The following AXIN1 variants were observed in gnomAD, a reference collection of about 807,000 sequenced individuals.
AXIN1 encodes axin 1, also known as axin-1.
In AXIN1, 30 loss-of-function variants were observed where a neutral mutation model predicts 76.4. That is an observed-to-expected ratio of 0.39 (90% CI 0.29 to 0.53). The LOEUF is 0.53. AXIN1 is among the 20% of genes least tolerant of loss of function. AXIN1 has a pLI of 0.66. For synonymous variants in AXIN1, 545 were observed against 501.4 expected (o/e 1.09, Z -1.16); for missense variants, 1,140 against 1,198.8 (o/e 0.95, Z 0.72).
intron 7 of AXIN1, among the ~76,000 whole-genome samples, chr16:294,921 G>A (rs997989443): frequency 1.4e-4 from 21 of 151,116 alleles, no homozygotes; most frequent in South Asian, 2.1e-4. Context: ...AAAATTAGCC[G>A]GGCGTGGTGG....
intron 5 of AXIN1, 143 bp from the exon 6 acceptor site, chr16:298,394 T>C (rs903575055): frequency 2.0e-6 from 2 of 1,008,340 alleles, no homozygotes; most frequent in African/African-American, 3.2e-5. Flanking sequence ...ACCGGTCCTG[T>C]CCCTGAGGAT....
chr16:346,307 G>T lies in AXIN1; in HGVS notation c.719C>A (p.Thr240Asn), dbSNP rs1476669768. The T allele has an allele frequency of 3.1e-6, 5 of 1,614,176 alleles. No homozygotes were observed. The highest frequency in any genetic ancestry group is 4.2e-6 in the Non-Finnish European group (5 of 1,180,046). The change falls in exon 2 of 11, where the codon ACC becomes AAC. Residue 240 changes from threonine (T) to asparagine (N), a missense_variant. Physicochemically the swap from Thr to Asn is moderately conservative, Grantham distance 65. This residue lies in a region of AXIN1 where 708 missense variants were observed against 776.9 expected (regional missense o/e 0.91). Transcript: ENST00000262320. Reference sequence around the variant, plus strand: ...CTTCCATTCCTCATCTTCATTTAAGGTCGGCAGGTATCCAGATATGCCCTT... The same window carrying T: ...CTTCCATTCCTCATCTTCATTTAAGTTCGGCAGGTATCCAGATATGCCCTT... ...TGKGISGYLP[T>N]LNEDEEWKCD...
intron 2 of AXIN1, among the ~76,000 whole-genome samples, chr16:325,620 G>A (rs993705494): frequency 2.0e-5 from 3 of 152,254 alleles, no homozygotes; most frequent in Admixed American, 6.5e-5. Context: ...CGCAGGGGCC[G>A]ACTGCCAAGG....
chr16:323,394 G>T (rs1349252639), intron 2 of AXIN1, among the ~76,000 whole-genome samples: 2 of 137,144 alleles, frequency 1.5e-5, no homozygotes. Context: ...AGCCGAGATC[G>T]CGCCACTGCA....
At chr16:348,671 C>T (rs139254962) in intron 1 of AXIN1, among the ~76,000 whole-genome samples, 168 of 152,242 alleles carry the variant, frequency 1.1e-3, no homozygotes, top group Non-Finnish European at 1.9e-3. Flanking sequence ...GGTATGGTAG[C>T]GTATGCCTGT....
chr16:343,580 G>C (rs559416170), intron 2 of AXIN1, among the ~76,000 whole-genome samples: 1 of 150,842 alleles, frequency 6.6e-6, no homozygotes, highest in Non-Finnish European at 1.5e-5. Context: ...GCTCACACTT[G>C]TAATCCCAGC....
intron 2 of AXIN1, among the ~76,000 whole-genome samples, chr16:321,828 C>A (rs774582364): frequency 1.3e-5 from 2 of 152,244 alleles, no homozygotes; most frequent in Non-Finnish European, 2.9e-5. Flanking sequence ...TGGATTCCAA[C>A]CTCAAAGTGT....
At chr16:352,114 G>C (rs2054158326) in intron 1 of AXIN1, among the ~76,000 whole-genome samples, 1 of 151,968 alleles carries the variant, frequency 6.6e-6, no homozygotes, top group Non-Finnish European at 1.5e-5. Context: ...CTCCAGGCCC[G>C]GCTCTCCCGG....
At chr16:351,297 A>G (rs915306066) in intron 1 of AXIN1, among the ~76,000 whole-genome samples, 4 of 86,346 alleles carry the variant, frequency 4.6e-5, no homozygotes, top group African/African-American at 1.3e-4. Flanking sequence ...TGACATGCAC[A>G]TAAGAACCCT....
At chr16:339,859 C>T (rs1018032756) in intron 2 of AXIN1, among the ~76,000 whole-genome samples, 3 of 152,056 alleles carry the variant, frequency 2.0e-5, no homozygotes, top group Non-Finnish European at 4.4e-5. Flanking sequence ...AGCCTGGGGG[C>T]GACCCCACCC....
At chr16:337,497 C>CAAAAAAAA (rs35744069) in intron 2 of AXIN1, among the ~76,000 whole-genome samples, 1 of 72,032 alleles carries the variant, frequency 1.4e-5, no homozygotes, top group Non-Finnish European at 3.1e-5. Flanking sequence ...GGGTCAAAAC[C>CAAAAAAAA]AAAAAAAAAA....
At chr16:341,557 G>C (rs1011282998) in intron 2 of AXIN1, among the ~76,000 whole-genome samples, 3 of 152,226 alleles carry the variant, frequency 2.0e-5, no homozygotes, top group Admixed American at 2.0e-4. Flanking sequence ...CCCCTCCGTG[G>C]GCTCCTGTGC....
At chr16:302,052 T>C (rs1243789499) in intron 5 of AXIN1, among the ~76,000 whole-genome samples, 4 of 152,198 alleles carry the variant, frequency 2.6e-5, no homozygotes, top group African/African-American at 2.4e-5. Flanking sequence ...CAGGCCCCAA[T>C]GCCGCTGGCC....
chr16:341,917 C>G (rs563484263), intron 2 of AXIN1, among the ~76,000 whole-genome samples: 6 of 152,184 alleles, frequency 3.9e-5, no homozygotes, highest in Non-Finnish European at 8.8e-5. Context: ...CTGTATCTAG[C>G]TAATCTGGTG....
chr16:288,436 T>G (rs1248180969), intron 10 of AXIN1, 188 bp from the exon 11 acceptor site: 6 of 812,938 alleles, frequency 7.4e-6, no homozygotes, highest in Non-Finnish European at 1.2e-5. Context: ...GTGGGTGAAG[T>G]GGGCAGCCAT....
In AXIN1 at chr16:293,573, G is replaced by C. The variant is rs1481927536; in HGVS notation, c.2101C>G (p.Pro701Ala). ...TCCTCCAGCTGGGTTAGGGGGTTGGGAGCTGGGTGGGGTGGCATGGTGGGG... is the reference window on the plus strand; with the variant it reads ...TCCTCCAGCTGGGTTAGGGGGTTGGCAGCTGGGTGGGGTGGCATGGTGGGG... ...QDPTMPPHPA[P>A]NPLTQLEEAR... Residue 701 changes from proline (P) to alanine (A), a missense_variant, in exon 8 of 11, where the codon CCC becomes GCC. Around this residue, in one of 3 missense-constraint regions of AXIN1, gnomAD observed 429 missense variants for 405.8 expected, o/e 1.06. Transcript: ENST00000262320. The surrounding 1 kb of genome is among the most constrained non-coding windows in gnomAD (Gnocchi z 4.6). 5 of 1,612,466 alleles carry C rather than the reference G, an allele frequency of 3.1e-6. No individual in the cohort carries two copies. The highest frequency in any genetic ancestry group is 4.2e-6 in the Non-Finnish European group (5 of 1,179,972).
intron 2 of AXIN1, among the ~76,000 whole-genome samples, chr16:324,583 T>A (rs1193969655): frequency 6.6e-6 from 1 of 152,210 alleles, no homozygotes; most frequent in Non-Finnish European, 1.5e-5. Context: ...AGGTGGTCAG[T>A]AGGCGCTTCC....
At chr16:301,258 G>A (rs763568285) in intron 5 of AXIN1, among the ~76,000 whole-genome samples, 10 of 148,290 alleles carry the variant, frequency 6.7e-5, no homozygotes, top group Non-Finnish European at 1.5e-4. Context: ...GCGACAGAGC[G>A]AGACTCTGCC....
intron 2 of AXIN1, among the ~76,000 whole-genome samples, chr16:331,176 G>A (rs1375895524): frequency 6.6e-6 from 1 of 152,122 alleles, no homozygotes; most frequent in Admixed American, 6.6e-5. Context: ...ACTTCTGAAA[G>A]CCACGTCTTA....
Sources: gnomAD v4.1 joint callset for allele counts (sites outside exome capture counted in the v4.1 genomes callset) on GRCh38, gnomAD v4.1.1 for gene constraint, gnomAD v4.1.1 regional missense constraint, Gnocchi (gnomAD v3.1) non-coding constraint, MANE v1.5 for transcripts, NCBI Gene and HGNC (gene_info 2026-07-23, HGNC 2026-07-21) for gene names.